Variants in PPRC1 observed in about 807,000 individuals in gnomAD.
PPRC1 encodes peroxisome proliferator-activated receptor gamma coactivator-related protein 1.
PPRC1 carries 23 observed loss-of-function variants against 132.5 expected under a neutral mutation model. The observed-to-expected ratio is 0.17, with a 90% CI of 0.12 to 0.25. PPRC1 has a LOEUF of 0.25. PPRC1 is among the 10% of genes least tolerant of loss of function. The probability of loss-of-function intolerance (pLI) is 1.00; values close to 1 mark genes in which losing one functional copy is unlikely to be tolerated. For synonymous variants in PPRC1, 872 were observed against 833.5 expected (o/e 1.05, Z -0.80); for missense variants, 2,006 against 2,089.1 (o/e 0.96, Z 0.78).
rs146882245 is a variant in PPRC1 at position 102,139,367 on chromosome 10, G to C, written c.859G>C (p.Ala287Pro). Residue 287 changes from alanine (A) to proline (P), a missense_variant, in exon 5 of 14, where the codon GCA becomes CCA. Around this residue, in one of 2 missense-constraint regions of PPRC1, gnomAD observed 1,914 missense variants for 1,917.2 expected, o/e 1.00. Transcript: ENST00000278070. ...GGCCTGCCCTGAGGAGGAAGATAAA[G>C]CAACAGCAGCAGAGATGGCAGTGCC... ...HLACPEEEDKATAAEMAVPAA... is the reference protein window; with the variant it reads ...HLACPEEEDKPTAAEMAVPAA... The C allele has an allele frequency of 3.1e-3, 5,050 of 1,614,230 alleles. 55 individuals carry two copies. Among genetic ancestry groups the C allele is most frequent in the Non-Finnish European group, 2.3e-3 (2,761 of 1,180,046 alleles).
chr10:102,142,131 GA>G, intron 5 of PPRC1, 127 bp downstream of exon 5: 2 of 1,154,594 alleles, frequency 1.7e-6, no homozygotes, highest in South Asian at 3.3e-5. Flanking sequence ...TTTTTATTTT[GA>G]GATGGAGTCT....
intron 6 of PPRC1, 36 bp from the exon 7 acceptor site, chr10:102,144,214 C>G: frequency 6.2e-7 from 1 of 1,607,406 alleles, no homozygotes; most frequent in African/African-American, 1.3e-5. Flanking sequence ...TCTAGAACAT[C>G]TGGTTGGGCT....
At chr10:102,123,398 G>A in the PPRC1 span, among the ~76,000 whole-genome samples, 1 of 151,962 alleles carries the variant, frequency 6.6e-6, no homozygotes. Context: ...TCTATGTGGA[G>A]GGGGGGTCTT....
Position 102,150,060 on chromosome 10 carries a change from C to T in PPRC1, c.*31C>T, listed in dbSNP as rs780364545. On this transcript the variant is annotated 3_prime_UTR_variant, in exon 14 of 14. Coordinates refer to ENST00000278070, the MANE Select transcript of PPRC1 (RefSeq NM_015062.5). Reference sequence around the variant, plus strand: ...GGCCCTTCCCTGCTATCCTTTTTCTCCTTTGGAGGTGCCCAACCTCCTCCA... The same window carrying T: ...GGCCCTTCCCTGCTATCCTTTTTCTTCTTTGGAGGTGCCCAACCTCCTCCA... 3.9e-6 allele frequency: 6 copies of T among 1,552,536 alleles called. No individual in the cohort carries two copies. The highest frequency in any genetic ancestry group is 1.7e-4 in the Middle Eastern group (1 of 5,956).
chr10:102,131,028 TA>T (rs1393252424), upstream of PPRC1, among the ~76,000 whole-genome samples: 3 of 151,700 alleles, frequency 2.0e-5, no homozygotes, highest in Non-Finnish European at 2.9e-5. Flanking sequence ...CTGTCTCTAC[TA>T]AAAATACAAA....
At chr10:102,143,635 T>A (rs2133685047) in intron 6 of PPRC1, among the ~76,000 whole-genome samples, 2 of 147,374 alleles carry the variant, frequency 1.4e-5, no homozygotes, top group Admixed American at 1.3e-4. Flanking sequence ...CCAAGCAGGT[T>A]GGGGTTGTTT....
In PPRC1 at chr10:102,148,742, C is replaced by G. The variant is rs2069380114; in HGVS notation, c.4617+48C>G. ...GGAGGATGGGGCTTACCCCCTGAGC[C>G]TTGAGCTCAGAGAGCTGCCTGCAGC... On this transcript the variant is annotated intron_variant, in intron 11 of 13. Coordinates refer to ENST00000278070, the MANE Select transcript of PPRC1 (RefSeq NM_015062.5). This position sits in a 1 kb window ranked among gnomAD's most constrained non-coding sequence, Gnocchi z 4.2. 6.2e-7 allele frequency: 1 copy of G among 1,613,444 alleles called. No individual in the cohort carries two copies. Among genetic ancestry groups the G allele is most frequent in the South Asian group, 1.1e-5 (1 of 91,066 alleles).
chr10:102,133,884 T>G (rs1317803637), intron 1 of PPRC1, among the ~76,000 whole-genome samples: 3 of 142,914 alleles, frequency 2.1e-5, no homozygotes, highest in African/African-American at 2.5e-5. Context: ...GCCTTGGAGG[T>G]TTTTTTTTTC....
At chr10:102,126,821 C>T in the PPRC1 span, among the ~76,000 whole-genome samples, 1 of 151,824 alleles carries the variant, frequency 6.6e-6, no homozygotes, top group East Asian at 1.9e-4. Flanking sequence ...GTCCCTTGCC[C>T]TGACACGTGA....
Position 102,139,847 on chromosome 10 carries a change from G to A in PPRC1, c.1339G>A (p.Ala447Thr). 6.2e-7 allele frequency: 1 copy of A among 1,614,228 alleles called. No homozygotes were observed. Among genetic ancestry groups the A allele is most frequent in the Non-Finnish European group, 8.5e-7 (1 of 1,180,028 alleles). The change falls in exon 5 of 14, where the codon GCC becomes ACC. Residue 447 changes from alanine (A) to threonine (T), a missense_variant. Ala to Thr is a moderately conservative substitution (Grantham distance 58). Around this residue, in one of 2 missense-constraint regions of PPRC1, gnomAD observed 1,914 missense variants for 1,917.2 expected, o/e 1.00. Transcript: ENST00000278070. The stretch of plus-strand genomic sequence containing the variant: ...GCCCAAGGAGCCTCAGAACCCACCT[G>A]CCAATGCAGCACCAGGTTCCCAGAG... ...VVPKEPQNPP[A>T]NAAPGSQRAR... is the part of the protein sequence containing the mutation.
rs376540117 is a variant in PPRC1, at chr10:102,141,731, C to G, written c.3223C>G (p.Gln1075Glu). Residue 1075 changes from glutamine (Q) to glutamate (E), a missense_variant, in exon 5 of 14, where the codon CAA becomes GAA. By Grantham distance (29) the Gln-to-Glu change is conservative. Transcript: ENST00000278070. ...HPKHKVSALVQSPQMKALACV... is the reference protein window; with the variant it reads ...HPKHKVSALVESPQMKALACV... ...GAAACACAAGGTGTCTGCCCTGGTGCAAAGTCCCCAGATGAAGGCTCTAGC... is the reference window on the plus strand; with the variant it reads ...GAAACACAAGGTGTCTGCCCTGGTGGAAAGTCCCCAGATGAAGGCTCTAGC... 6.8e-6 allele frequency: 11 copies of G among 1,613,820 alleles called. No individual in the cohort carries two copies. The African/African-American group carries it at 1.5e-4, about 22-fold the overall frequency.
the PPRC1 span, among the ~76,000 whole-genome samples, chr10:102,125,448 C>T: frequency 0.073 from 11,101 of 151,658 alleles, 482 homozygotes; most frequent in African/African-American, 0.12. Flanking sequence ...TTAGTAGAGA[C>T]GGGGTTTCAC....
At chr10:102,130,894 A>G (rs754341002), upstream of PPRC1, among the ~76,000 whole-genome samples, 3 of 151,446 alleles carry the variant, frequency 2.0e-5, no homozygotes, top group Non-Finnish European at 1.5e-5. Context: ...AGAACCCCCA[A>G]AAAATTAGCT....
upstream of PPRC1, among the ~76,000 whole-genome samples, chr10:102,131,452 CAT>C (rs927175275): frequency 5.9e-5 from 9 of 151,282 alleles, no homozygotes; most frequent in South Asian, 4.2e-4. Context: ...TTTTCATGAA[CAT>C]GTGTGGGGAT....
At chr10:102,144,764 G>C (rs2133694412) in intron 7 of PPRC1, 2 of 527,628 alleles carry the variant, frequency 3.8e-6, no homozygotes, top group East Asian at 6.4e-5. Flanking sequence ...CTGGGCAGGT[G>C]AGACTCGATG....
upstream of PPRC1, among the ~76,000 whole-genome samples, chr10:102,128,096 G>C (rs1590302224): frequency 6.6e-6 from 1 of 151,704 alleles, no homozygotes; most frequent in Admixed American, 6.6e-5. Context: ...TGTCATGGTT[G>C]TTGGCCAGCC....
In PPRC1 at chr10:102,148,949, G is replaced by A. The variant is rs373484757; in HGVS notation, c.4739+11G>A. On this transcript the variant is annotated intron_variant, in intron 12 of 13. Transcript: ENST00000278070. The surrounding 1 kb of genome is among the most constrained non-coding windows in gnomAD (Gnocchi z 4.2). ...CTTCCGTGTCCAAGGGTAAGCTTGG[G>A]CCCCAGGCTCAGGATGTTCTTTCTA... The A allele has an allele frequency of 6.2e-7, 1 of 1,613,074 alleles. No individual in the cohort carries two copies. The highest frequency in any genetic ancestry group is 8.5e-7 in the Non-Finnish European group (1 of 1,179,708).
Position 102,138,820 on chromosome 10 carries a change from G to A in PPRC1, c.489+55G>A, listed in dbSNP as rs374593999. On this transcript the variant is annotated intron_variant, in intron 3 of 13. Transcript: ENST00000278070. ...GTACAAAGTTTAGACCCATGCCTGT[G>A]GACCTACTCATATAGCTCTGAAGCA... The A allele has an allele frequency of 3.8e-5, 61 of 1,612,570 alleles. No individual in the cohort carries two copies. The East Asian group carries it at 4.7e-4, about 12-fold the overall frequency.
chr10:102,127,468 A>G, the PPRC1 span, among the ~76,000 whole-genome samples: 3 of 152,214 alleles, frequency 2.0e-5, no homozygotes, highest in African/African-American at 4.8e-5. Context: ...GTACAGTTGC[A>G]CGATCTCGGC....
Sources: gnomAD v4.1 joint callset for allele counts (sites outside exome capture counted in the v4.1 genomes callset) on GRCh38, gnomAD v4.1.1 for gene constraint, gnomAD v4.1.1 regional missense constraint, Gnocchi (gnomAD v3.1) non-coding constraint, MANE v1.5 for transcripts, NCBI Gene and HGNC (gene_info 2026-07-23, HGNC 2026-07-21) for gene names.